Variants in NFIC observed in about 807,000 individuals in gnomAD.
NFIC encodes the protein nuclear factor I C, also known as nuclear factor 1 C-type.
A neutral mutation model predicts 54.4 loss-of-function variants in NFIC; 12 were observed. That is an observed-to-expected ratio of 0.22 (90% CI 0.14 to 0.36). The LOEUF (loss-of-function observed/expected upper bound fraction) is 0.36. NFIC is among the 10% of genes least tolerant of loss of function. The pLI is 1.00. For missense variants in NFIC, 575 were observed against 718.2 expected (o/e 0.80, Z 2.28); for synonymous variants, 322 against 319.2 (o/e 1.01, Z -0.09).
intron 2 of NFIC, among the ~76,000 whole-genome samples, chr19:3,387,367 T>A (rs1393891234): frequency 6.6e-6 from 1 of 152,036 alleles, no homozygotes; most frequent in Non-Finnish European, 1.5e-5. Context: ...CCGGGCGTGG[T>A]GGCGGGCGTC....
chr19:3,376,361 G>A (rs1169813775), intron 1 of NFIC, among the ~76,000 whole-genome samples: 5 of 146,944 alleles, frequency 3.4e-5, no homozygotes, highest in Admixed American at 6.9e-5. Flanking sequence ...CCCAGGAGGC[G>A]GAGGTTGCAG....
intron 1 of NFIC, chr19:3,359,729 G>A: frequency 7.1e-7 from 1 of 1,407,638 alleles, no homozygotes; most frequent in Non-Finnish European, 9.4e-7. Context: ...GGGACTTTTT[G>A]GGGTGGTGCG....
At chr19:3,434,567 G>C (rs78796283) in intron 5 of NFIC, among the ~76,000 whole-genome samples, 167 bp downstream of exon 5, 1 of 151,960 alleles carries the variant, frequency 6.6e-6, no homozygotes, top group Non-Finnish European at 1.5e-5. Context: ...CCAGCCCCAC[G>C]TGCCTCTTCC....
In NFIC at chr19:3,453,377, A is replaced by T. The variant is rs751959866; in HGVS notation, c.1270-386A>T. Among the ~76,000 whole-genome samples, 4 of 152,202 alleles carry T rather than the reference A, an allele frequency of 2.6e-5. No individual in the cohort carries two copies. The highest frequency in any genetic ancestry group is 6.5e-5 in the Admixed American group (1 of 15,280). Reference sequence around the variant, plus strand: ...TGTTCAGAGCTTTTCGGACTTTGGAACCACGGGCCAGGCCGTGGATGATGG... The same window carrying T: ...TGTTCAGAGCTTTTCGGACTTTGGATCCACGGGCCAGGCCGTGGATGATGG... On this transcript the variant is annotated intron_variant, in intron 8 of 10. Transcript: ENST00000443272. The surrounding 1 kb of genome is among the most constrained non-coding windows in gnomAD (Gnocchi z 6.7).
intron 2 of NFIC, among the ~76,000 whole-genome samples, chr19:3,402,864 A>G (rs989425441): frequency 3.9e-5 from 6 of 152,236 alleles, no homozygotes; most frequent in Middle Eastern, 3.4e-3. Flanking sequence ...CTGTGGCTGG[A>G]GCAGAGTGAG....
At chr19:3,406,437 A>G (rs1398806278) in intron 2 of NFIC, among the ~76,000 whole-genome samples, 1 of 146,574 alleles carries the variant, frequency 6.8e-6, no homozygotes, top group Non-Finnish European at 1.5e-5. Flanking sequence ...TATGTTGCTC[A>G]AGCTGGTCTC....
At chr19:3,366,847 C>T (rs1020736103) in intron 1 of NFIC, among the ~76,000 whole-genome samples, 181 bp downstream of exon 1, 1 of 151,958 alleles carries the variant, frequency 6.6e-6, no homozygotes, top group Non-Finnish European at 1.5e-5. Context: ...CTGGGGTACC[C>T]CCCCCACACC....
chr19:3,388,744 C>G lies in NFIC; in HGVS notation c.562+6501C>G, dbSNP rs748998406. Among the ~76,000 whole-genome samples the G allele has an allele frequency of 8.0e-4, 122 of 152,268 alleles. No individual in the cohort carries two copies. In the Middle Eastern group the frequency reaches 0.01, roughly 13 times the overall value. On this transcript the variant is annotated intron_variant, in intron 2 of 10. Transcript: ENST00000443272. ...TCGGGAGGCTGAGGCAGGAGGATGG[C>G]TTGAGCCCAGGAGTTGGAGGTTGCA...
At chr19:3,368,927 GTGT>G (rs2080947051) in intron 1 of NFIC, among the ~76,000 whole-genome samples, 1 of 151,510 alleles carries the variant, frequency 6.6e-6, no homozygotes, top group South Asian at 2.1e-4. Context: ...GTGTGTGTGT[GTGT>G]GTGTGTGTGT....
At chr19:3,449,774 A>T (rs1444745645) in intron 7 of NFIC, among the ~76,000 whole-genome samples, 2 of 149,844 alleles carry the variant, frequency 1.3e-5, no homozygotes, top group East Asian at 3.9e-4. Context: ...AAAAAAAAAA[A>T]AGCTAGGCTT....
chr19:3,394,601 C>T (rs1377132208), intron 2 of NFIC, among the ~76,000 whole-genome samples: 2 of 142,372 alleles, frequency 1.4e-5, no homozygotes, highest in African/African-American at 2.6e-5. Context: ...TGGCCAGGGG[C>T]TGCTGTATTG....
chr19:3,415,001 G>A (rs1004445969), intron 2 of NFIC, among the ~76,000 whole-genome samples: 7 of 151,702 alleles, frequency 4.6e-5, no homozygotes, highest in South Asian at 4.2e-4. Flanking sequence ...CGCCACACCC[G>A]GCTAATTTTT....
At chr19:3,456,386 C>T (rs2082555946) in intron 9 of NFIC, among the ~76,000 whole-genome samples, 164 bp from the exon 10 acceptor site, 1 of 152,168 alleles carries the variant, frequency 6.6e-6, no homozygotes, top group Non-Finnish European at 1.5e-5. Context: ...TTCAGGGGGG[C>T]CCGGTTCAAC....
At position 3,458,612 on chromosome 19, in the gene NFIC, A is replaced by G. The variant is rs374564031; in HGVS notation, c.1509+1977A>G. ...CTGGGGACCCAGAAAGGGTGGGACCAGGGCTGGCAGAATGGGGTGTGGGGG... is the reference window on the plus strand; with the variant it reads ...CTGGGGACCCAGAAAGGGTGGGACCGGGGCTGGCAGAATGGGGTGTGGGGG... On this transcript the variant is annotated intron_variant, in intron 10 of 10. Transcript: ENST00000443272. This position sits in a 1 kb window ranked among gnomAD's most constrained non-coding sequence, Gnocchi z 4.1. Among the ~76,000 whole-genome samples the G allele has an allele frequency of 6.3e-5, 9 of 142,586 alleles. 1 individual carries two copies. Among genetic ancestry groups the G allele is most frequent in the South Asian group, 2.3e-4 (1 of 4,374 alleles). 93.5% of individuals were successfully genotyped at this position (142,586 alleles called of 152,430 possible). A position where few individuals can be genotyped will look rare whatever the true frequency, so the allele number is the denominator to read the frequency against.
rs2082597106 is a variant in NFIC, at chr19:3,458,751, C to T, written c.1509+2116C>T. On this transcript the variant is annotated intron_variant, in intron 10 of 10. Transcript: ENST00000443272. This position sits in a 1 kb window ranked among gnomAD's most constrained non-coding sequence, Gnocchi z 4.1. Reference sequence around the variant, plus strand: ...CCAGACAGATGATGCGGGCTTTGCTCTGGGGTAGTGGGGAGCCATAGAAGG... The same window carrying T: ...CCAGACAGATGATGCGGGCTTTGCTTTGGGGTAGTGGGGAGCCATAGAAGG... Among the ~76,000 whole-genome samples the T allele has an allele frequency of 3.3e-5, 5 of 152,062 alleles. No individual in the cohort carries two copies. The South Asian group carries it at 1.0e-3, about 31-fold the overall frequency.
chr19:3,417,819 T>A (rs1454562465), intron 2 of NFIC, among the ~76,000 whole-genome samples: 11 of 150,348 alleles, frequency 7.3e-5, no homozygotes, highest in Non-Finnish European at 1.3e-4. Flanking sequence ...TATTTTTTTT[T>A]AGTAGAGATG....
chr19:3,407,320 A>G (rs892937424), intron 2 of NFIC, among the ~76,000 whole-genome samples: 1 of 151,418 alleles, frequency 6.6e-6, no homozygotes, highest in Admixed American at 6.6e-5. Context: ...TCACTGTGTT[A>G]GCCAGGATGG....
intron 2 of NFIC, among the ~76,000 whole-genome samples, chr19:3,417,098 G>A (rs1208100937): frequency 2.0e-5 from 3 of 150,008 alleles, no homozygotes; most frequent in Admixed American, 2.0e-4. Context: ...TGTTAGCCAG[G>A]ATGGTCTCGA....
At chr19:3,445,564 G>C (rs8111614) in intron 6 of NFIC, among the ~76,000 whole-genome samples, 4,550 of 152,224 alleles carry the variant, frequency 0.03, 82 homozygotes, top group Middle Eastern at 0.054. Flanking sequence ...CTGCTTCTGG[G>C]GTGTGTCCCA....
Sources: allele counts gnomAD v4.1 joint callset (sites outside exome capture counted in the v4.1 genomes callset), GRCh38; gene constraint gnomAD v4.1.1; non-coding constraint Gnocchi (gnomAD v3.1); transcripts MANE v1.5; gene names NCBI Gene and HGNC (gene_info 2026-07-23, HGNC 2026-07-21).